The following SH2D4B variants were observed in gnomAD, a reference collection of about 807,000 sequenced individuals.
SH2D4B encodes SH2 domain-containing protein 4B.
Under a neutral mutation model 61.5 loss-of-function variants are expected in SH2D4B, and 45 were observed. That is an observed-to-expected ratio of 0.73 (90% CI 0.58 to 0.94). The LOEUF is 0.94. SH2D4B is among the 40% of genes least tolerant of loss of function. SH2D4B has a pLI of 0.00. For missense variants in SH2D4B, 572 were observed against 574.2 expected, an observed-to-expected ratio of 1.00 and a Z score of 0.04; for synonymous variants, 224 against 220.4, an observed-to-expected ratio of 1.02 and a Z score of -0.14.
chr10:80,590,590 A>G (rs1466401235), intron 4 of SH2D4B, among the ~76,000 whole-genome samples: 2 of 152,162 alleles, frequency 1.3e-5, no homozygotes, highest in Non-Finnish European at 2.9e-5. Context: ...GTGATGGTAC[A>G]CTTGACTGAT....
intron 1 of SH2D4B, among the ~76,000 whole-genome samples, chr10:80,543,449 C>A (rs181324039): frequency 1.7e-4 from 26 of 152,178 alleles, no homozygotes; most frequent in Non-Finnish European, 2.2e-4. Context: ...TGCCTTCCCG[C>A]GGCGCAGGGC....
At chr10:80,590,159 T>TG (rs1842309977) in intron 4 of SH2D4B, among the ~76,000 whole-genome samples, 1 of 152,032 alleles carries the variant, frequency 6.6e-6, no homozygotes, top group African/African-American at 2.4e-5. Context: ...TGTGATTTCC[T>TG]GGGGAAAGGT....
At chr10:80,562,486 A>G (rs907129220) in intron 1 of SH2D4B, among the ~76,000 whole-genome samples, 2 of 152,242 alleles carry the variant, frequency 1.3e-5, no homozygotes, top group African/African-American at 4.8e-5. Flanking sequence ...GTGAGGACTT[A>G]CTTAATACAT....
chr10:80,551,228 G>A (rs1427473476), intron 1 of SH2D4B, among the ~76,000 whole-genome samples: 1 of 152,058 alleles, frequency 6.6e-6, no homozygotes, highest in Non-Finnish European at 1.5e-5. Context: ...AATATTTTTT[G>A]TATTTTTAGT....
chr10:80,587,136 T>G (rs1336054176), intron 3 of SH2D4B, among the ~76,000 whole-genome samples: 2 of 52,872 alleles, frequency 3.8e-5, no homozygotes, highest in Non-Finnish European at 6.2e-5. Context: ...CCACGTTTTT[T>G]TTTTTTTTTG....
chr10:80,626,755 C>T (rs918618982), intron 6 of SH2D4B, among the ~76,000 whole-genome samples: 2 of 152,214 alleles, frequency 1.3e-5, no homozygotes, highest in African/African-American at 2.4e-5. Context: ...TTCAGTGCCT[C>T]CACAGAGCCT....
intron 3 of SH2D4B, among the ~76,000 whole-genome samples, chr10:80,585,146 T>C (rs1333253177): frequency 2.0e-5 from 3 of 152,032 alleles, no homozygotes; most frequent in Non-Finnish European, 4.4e-5. Context: ...GGGACAGAAA[T>C]GGGAAATTTA....
rs1270637237 is a variant in SH2D4B at position 80,586,330 on chromosome 10, G to A, written c.496-2300G>A. On this transcript the variant is annotated intron_variant, in intron 3 of 7. Transcript: ENST00000646907. ...CGCGATCCACTGGGTGAAGCCAGCT[G>A]GGCTTCTGACTCTGGTGGGGACTTG... Among the ~76,000 whole-genome samples the A allele has an allele frequency of 2.0e-5, 3 of 152,220 alleles. No homozygotes were observed. In the East Asian group the frequency reaches 5.8e-4, roughly 29 times the overall value.
chr10:80,556,626 T>C (rs747488792), intron 1 of SH2D4B, among the ~76,000 whole-genome samples: 8 of 152,202 alleles, frequency 5.3e-5, no homozygotes, highest in Non-Finnish European at 1.0e-4. Context: ...TCACACATTT[T>C]GTTAATATCT....
intron 5 of SH2D4B, among the ~76,000 whole-genome samples, chr10:80,608,768 C>T (rs1842552296): frequency 6.6e-6 from 1 of 152,150 alleles, no homozygotes; most frequent in Non-Finnish European, 1.5e-5. Context: ...GCCTCCGTAT[C>T]CTCTGTCATA....
At chr10:80,631,261 A>AT (rs1244046308) in intron 6 of SH2D4B, among the ~76,000 whole-genome samples, 2 of 152,216 alleles carry the variant, frequency 1.3e-5, no homozygotes, top group Non-Finnish European at 2.9e-5. Context: ...TTATTAATGT[A>AT]TTTTTGAAAT....
At chr10:80,586,844 G>C (rs1842257698) in intron 3 of SH2D4B, among the ~76,000 whole-genome samples, 2 of 152,170 alleles carry the variant, frequency 1.3e-5, no homozygotes, top group Admixed American at 6.5e-5. Context: ...GTGAAGGTCT[G>C]CAGCTGCACT....
chr10:80,643,884 G>A (rs970837362), intron 7 of SH2D4B, 109 bp from the exon 8 acceptor site: 7 of 591,084 alleles, frequency 1.2e-5, no homozygotes, highest in African/African-American at 3.8e-5. Flanking sequence ...AATGAGAGGA[G>A]ACAAATGCAT....
chr10:80,640,359 C>T (rs1334855341), intron 7 of SH2D4B, among the ~76,000 whole-genome samples: 2 of 152,162 alleles, frequency 1.3e-5, no homozygotes, highest in Non-Finnish European at 2.9e-5. Flanking sequence ...GGGAAGTTCT[C>T]CTGGATAATA....
intron 3 of SH2D4B, 150 bp downstream of exon 3, chr10:80,571,728 A>AACTT: frequency 1.3e-6 from 1 of 799,172 alleles, no homozygotes; most frequent in Non-Finnish European, 1.9e-6. Flanking sequence ...AGCAGGAAGG[A>AACTT]ACTTGACACA....
intron 5 of SH2D4B, among the ~76,000 whole-genome samples, chr10:80,606,281 T>A (rs956224678): frequency 1.3e-5 from 2 of 150,498 alleles, no homozygotes; most frequent in African/African-American, 2.5e-5. Context: ...TTTTTTTTTT[T>A]AGTTTTGAGT....
chr10:80,621,706 C>G (rs916163646), intron 6 of SH2D4B, among the ~76,000 whole-genome samples: 2 of 152,194 alleles, frequency 1.3e-5, no homozygotes, highest in African/African-American at 4.8e-5. Flanking sequence ...TGTTTTAGCA[C>G]ATCTACTGCT....
Position 80,544,462 on chromosome 10 carries a change from G to A in SH2D4B, c.184+5947G>A, listed in dbSNP as rs572555059. 3.3e-5 allele frequency among the ~76,000 whole-genome samples: 5 copies of A among 152,386 alleles called. No homozygotes were observed. In the South Asian group the frequency reaches 1.0e-3, roughly 32 times the overall value. On this transcript the variant is annotated intron_variant, in intron 1 of 7. Coordinates refer to ENST00000646907, the MANE Select transcript of SH2D4B (RefSeq NM_001388272.1). ...AGAACCCACCAATTCCAGACACAGA[G>A]TCACTCCCACTGCCCTCATGGAAAC...
chr10:80,634,044 C>T (rs577569612), intron 6 of SH2D4B, among the ~76,000 whole-genome samples: 7 of 152,344 alleles, frequency 4.6e-5, no homozygotes, highest in Non-Finnish European at 7.3e-5. Flanking sequence ...GCTCAACTCA[C>T]GTCCTAGTAG....
Sources: gnomAD v4.1 joint callset for allele counts (sites outside exome capture counted in the v4.1 genomes callset) on GRCh38, gnomAD v4.1.1 for gene constraint, MANE v1.5 for transcripts, NCBI Gene and HGNC (gene_info 2026-07-23, HGNC 2026-07-21) for gene names.